The following TTC29 variants were observed in gnomAD, a reference collection of about 807,000 sequenced individuals.
The protein encoded by TTC29 is tetratricopeptide repeat domain 29.
TTC29 carries 49 observed loss-of-function variants against 58.1 expected under a neutral mutation model. That is an observed-to-expected ratio of 0.84 (90% confidence interval 0.67 to 1.07). TTC29 has a LOEUF of 1.07. TTC29 is among the 50% of genes least tolerant of loss of function. The pLI is 0.00. For missense variants in TTC29, 582 were observed against 555.6 expected (o/e 1.05, Z -0.48); for synonymous variants, 209 against 196.8 (o/e 1.06, Z -0.52).
chr4:146,756,798 T>C (rs1469780956), intron 11 of TTC29, among the ~76,000 whole-genome samples: 3 of 152,072 alleles, frequency 2.0e-5, no homozygotes, highest in Non-Finnish European at 2.9e-5. Context: ...CTGACTTTCT[T>C]TCTTCTACTT....
At chr4:146,779,851 T>G (rs908175842) in intron 11 of TTC29, among the ~76,000 whole-genome samples, 10 of 152,166 alleles carry the variant, frequency 6.6e-5, no homozygotes, top group African/African-American at 2.4e-4. Flanking sequence ...TCATATAGCT[T>G]GGACCCACCA....
chr4:146,757,058 G>T (rs1270060001), intron 11 of TTC29, among the ~76,000 whole-genome samples: 1 of 152,056 alleles, frequency 6.6e-6, no homozygotes, highest in East Asian at 1.9e-4. Context: ...TCTTGGTTTG[G>T]ATCCATTGCT....
At chr4:146,806,507 A>G (rs1211140399) in intron 10 of TTC29, among the ~76,000 whole-genome samples, 4 of 152,238 alleles carry the variant, frequency 2.6e-5, no homozygotes, top group Non-Finnish European at 5.9e-5. Context: ...GCAAAGGCAC[A>G]TATAGACTTA....
intron 10 of TTC29, among the ~76,000 whole-genome samples, chr4:146,805,737 T>C (rs1750560154): frequency 6.6e-6 from 1 of 151,908 alleles, no homozygotes; most frequent in Non-Finnish European, 1.5e-5. Flanking sequence ...TGGGACTATG[T>C]GAAAGGACCA....
intron 11 of TTC29, among the ~76,000 whole-genome samples, chr4:146,798,257 G>A (rs1429882331): frequency 6.6e-6 from 1 of 152,032 alleles, no homozygotes; most frequent in Non-Finnish European, 1.5e-5. Context: ...GAAATCAGGA[G>A]CCCCAGGAAC....
intron 4 of TTC29, chr4:146,933,923 G>C (rs932698038): frequency 6.6e-6 from 1 of 152,128 alleles, no homozygotes; most frequent in African/African-American, 2.4e-5. Flanking sequence ...ATTGTATTAT[G>C]AGGTCAAGAA....
At chr4:146,757,920 A>G (rs1746577755) in intron 11 of TTC29, among the ~76,000 whole-genome samples, 1 of 140,688 alleles carries the variant, frequency 7.1e-6, no homozygotes, top group Non-Finnish European at 1.6e-5. Context: ...AGCGAAAACC[A>G]AAACCAAAAA....
chr4:146,806,641 A>G (rs1750638737), intron 10 of TTC29, among the ~76,000 whole-genome samples: 1 of 152,118 alleles, frequency 6.6e-6, no homozygotes, highest in African/African-American at 2.4e-5. Context: ...AAGACAAAGA[A>G]GGGCACTACA....
chr4:146,881,631 G>T (rs961508826), intron 6 of TTC29, among the ~76,000 whole-genome samples: 5 of 152,044 alleles, frequency 3.3e-5, no homozygotes, highest in African/African-American at 1.2e-4. Context: ...TTAACTGCAT[G>T]AACAATTTAT....
rs112510935 is a variant in TTC29 at position 146,845,759 on chromosome 4, G to A, written c.886-11862C>T. On this transcript the variant is annotated intron_variant, in intron 8 of 12. Transcript: ENST00000325106. ...CAGGCCCTTGTTAATTGCAGGCCCC[G>A]CTGCCTGCATTGTTCTTTCTCATTT... Among the ~76,000 whole-genome samples, 105 of 152,058 alleles carry A rather than the reference G, an allele frequency of 6.9e-4. 1 individual carries two copies. Among genetic ancestry groups the A allele is most frequent in the African/African-American group, 2.4e-3 (101 of 41,488 alleles).
chr4:146,831,286 A>G (rs1482521518), intron 9 of TTC29, among the ~76,000 whole-genome samples: 1 of 152,080 alleles, frequency 6.6e-6, no homozygotes. Flanking sequence ...AAAAAAATAG[A>G]TAGGTTCTCA....
In TTC29 at chr4:146,803,478, T is replaced by C. The variant is rs1216954474; in HGVS notation, c.1309A>G (p.Ile437Val). ...TTACCAGTAACTGGATCAGGTTCAA[T>C]GTTACCTCTGCTCTCCTTCCATGAC... Reference protein sequence around the residue: ...LLSWKESRGNIEPDPVTEEFR... With the variant: ...LLSWKESRGNVEPDPVTEEFR... Residue 437 changes from isoleucine (I) to valine (V), a missense_variant, in exon 11 of 13, where the codon ATT becomes GTT. By Grantham distance (29) the Ile-to-Val change is conservative. Transcript: ENST00000325106. 4 of 1,588,088 alleles carry C rather than the reference T, an allele frequency of 2.5e-6. No individual in the cohort carries two copies. The South Asian group carries it at 4.6e-5, about 18-fold the overall frequency.
intron 8 of TTC29, among the ~76,000 whole-genome samples, chr4:146,859,756 A>T (rs1379047400): frequency 6.6e-6 from 1 of 152,142 alleles, no homozygotes; most frequent in Non-Finnish European, 1.5e-5. Context: ...TGACATAAAG[A>T]TATGGGCTTC....
At chr4:146,814,307 G>C (rs1181493642) in intron 10 of TTC29, among the ~76,000 whole-genome samples, 1 of 152,016 alleles carries the variant, frequency 6.6e-6, no homozygotes, top group Non-Finnish European at 1.5e-5. Flanking sequence ...TGACCCAGGT[G>C]GGGCAGCTCA....
chr4:146,762,833 CA>C (rs774136254), intron 11 of TTC29, among the ~76,000 whole-genome samples: 20 of 151,520 alleles, frequency 1.3e-4, no homozygotes, highest in Non-Finnish European at 2.2e-4. Flanking sequence ...TTATTTATTT[CA>C]AAAAAAGTAA....
chr4:146,932,962 G>A (rs1045599091), intron 4 of TTC29, among the ~76,000 whole-genome samples: 1 of 151,978 alleles, frequency 6.6e-6, no homozygotes, highest in Non-Finnish European at 1.5e-5. Context: ...GGAGGCTGAA[G>A]CAGGAGAATG....
At chr4:146,893,826 C>T (rs1400641679) in intron 6 of TTC29, among the ~76,000 whole-genome samples, 1 of 152,164 alleles carries the variant, frequency 6.6e-6, no homozygotes, top group East Asian at 1.9e-4. Context: ...GGAACTCCAA[C>T]AAATTTACAA....
At chr4:146,916,346 G>T (rs1215715993) in intron 4 of TTC29, among the ~76,000 whole-genome samples, 1 of 151,538 alleles carries the variant, frequency 6.6e-6, no homozygotes, top group Admixed American at 6.6e-5. Context: ...TAAAGAGAGA[G>T]AAGTTAAAAA....
intron 6 of TTC29, among the ~76,000 whole-genome samples, chr4:146,880,573 C>T (rs535097575): frequency 3.3e-5 from 5 of 152,264 alleles, no homozygotes; most frequent in African/African-American, 9.6e-5. Flanking sequence ...CCCTGCACAA[C>T]ATCTTTGCAA....
Sources: gnomAD v4.1 joint callset for allele counts (sites outside exome capture counted in the v4.1 genomes callset) on GRCh38, gnomAD v4.1.1 for gene constraint, MANE v1.5 for transcripts, NCBI Gene and HGNC (gene_info 2026-07-23, HGNC 2026-07-21) for gene names.